The following RAPGEF5 variants were observed in gnomAD, a reference collection of about 807,000 sequenced individuals.
RAPGEF5 encodes M-Ras-regulated GEF.
A neutral mutation model predicts 125.2 loss-of-function variants in RAPGEF5; 65 were observed. The ratio of observed to expected loss-of-function variants is 0.52; its 90% CI spans 0.43 to 0.64. The LOEUF is 0.64. Ranked by LOEUF, RAPGEF5 falls within the 30% of genes least tolerant of loss-of-function variation. The pLI, the probability that RAPGEF5 is intolerant of heterozygous loss-of-function variation, is 0.00. For missense variants in RAPGEF5, 958 were observed against 1,048.1 expected, an observed-to-expected ratio of 0.91 and a Z score of 1.19; for synonymous variants, 391 against 385.9, an observed-to-expected ratio of 1.01 and a Z score of -0.16.
intron 7 of RAPGEF5, among the ~76,000 whole-genome samples, chr7:22,251,518 T>C (rs1786619588): frequency 6.6e-6 from 1 of 151,640 alleles, no homozygotes; most frequent in Non-Finnish European, 1.5e-5. Flanking sequence ...TTCAGGGGAG[T>C]AGCTGCCCAG....
At chr7:22,308,644 T>A in intron 4 of RAPGEF5, 137 bp from the exon 5 acceptor site, 1 of 693,558 alleles carries the variant, frequency 1.4e-6, no homozygotes, top group Non-Finnish European at 2.2e-6. Context: ...TCTAAGCTCA[T>A]TCATGTTTAT....
At chr7:22,350,091 C>G in intron 1 of RAPGEF5, among the ~76,000 whole-genome samples, 1 of 152,114 alleles carries the variant, frequency 6.6e-6, no homozygotes, top group South Asian at 2.1e-4. Context: ...AAAAGTACTT[C>G]CAGATCATAT....
intron 7 of RAPGEF5, among the ~76,000 whole-genome samples, chr7:22,262,529 CA>C: frequency 6.6e-6 from 1 of 152,144 alleles, no homozygotes; most frequent in East Asian, 1.9e-4. Flanking sequence ...AGCTGTTTCT[CA>C]AAAAACTAAA....
At chr7:22,255,692 A>G (rs959964856) in intron 7 of RAPGEF5, among the ~76,000 whole-genome samples, 2 of 152,218 alleles carry the variant, frequency 1.3e-5, no homozygotes, top group Non-Finnish European at 2.9e-5. Flanking sequence ...ATTTTGGTAC[A>G]TGAAGAACAC....
rs1209965990 is a variant in RAPGEF5, at chr7:22,119,499, T to G, written c.*2907A>C. 2 of 152,140 alleles carry G rather than the reference T, an allele frequency of 1.3e-5. No individual in the cohort carries two copies. The highest frequency in any genetic ancestry group is 2.9e-5 in the Non-Finnish European group (2 of 68,034). 9.4% of individuals were successfully genotyped at this position (152,140 alleles called of 1,614,324 possible). ...ACTCTAGGGAACACCTGCAAATGTG[T>G]ATGTAAAACAAAATTTTTTTTAATA... On this transcript the variant is annotated 3_prime_UTR_variant, in exon 26 of 26. Coordinates refer to ENST00000665637, the MANE Select transcript of RAPGEF5 (RefSeq NM_012294.5). This position sits in a 1 kb window ranked among gnomAD's most constrained non-coding sequence, Gnocchi z 4.1.
At chr7:22,241,999 G>A (rs143721744) in intron 7 of RAPGEF5, among the ~76,000 whole-genome samples, 2 of 152,260 alleles carry the variant, frequency 1.3e-5, no homozygotes, top group East Asian at 3.9e-4. Context: ...GAGGAAGTCA[G>A]GAAGTGACAG....
intron 6 of RAPGEF5, among the ~76,000 whole-genome samples, chr7:22,274,391 C>A (rs1782508928): frequency 1.3e-5 from 2 of 152,020 alleles, no homozygotes; most frequent in South Asian, 2.1e-4. Context: ...GTGCAGTGGT[C>A]CAATCATGGC....
chr7:22,233,223 C>T (rs1349722759), intron 7 of RAPGEF5, among the ~76,000 whole-genome samples: 1 of 152,068 alleles, frequency 6.6e-6, no homozygotes, highest in Non-Finnish European at 1.5e-5. Context: ...ACAGAAGAAG[C>T]CTTTCCTCAT....
chr7:22,350,639 C>T (rs924788000), intron 1 of RAPGEF5, among the ~76,000 whole-genome samples: 3 of 152,180 alleles, frequency 2.0e-5, no homozygotes, highest in Non-Finnish European at 2.9e-5. Flanking sequence ...TCTGAAGCCA[C>T]AGCCTGTGTC....
chr7:22,321,717 A>G (rs1418497958), intron 1 of RAPGEF5, among the ~76,000 whole-genome samples: 1 of 152,246 alleles, frequency 6.6e-6, no homozygotes, highest in Non-Finnish European at 1.5e-5. Flanking sequence ...CTGGGTGACC[A>G]GGCAGAATAT....
chr7:22,273,904 T>C (rs1236065517), intron 6 of RAPGEF5, among the ~76,000 whole-genome samples: 1 of 152,246 alleles, frequency 6.6e-6, no homozygotes, highest in African/African-American at 2.4e-5. Flanking sequence ...TTAAGGTCCA[T>C]GAGGAGTAGA....
intron 7 of RAPGEF5, among the ~76,000 whole-genome samples, chr7:22,240,485 C>T (rs1426523421): frequency 1.3e-5 from 2 of 152,008 alleles, no homozygotes; most frequent in Non-Finnish European, 2.9e-5. Context: ...CATTCTCCTG[C>T]CTCAGCCTCC....
intron 9 of RAPGEF5, among the ~76,000 whole-genome samples, chr7:22,206,163 A>G (rs982887740): frequency 2.6e-5 from 4 of 152,206 alleles, no homozygotes; most frequent in African/African-American, 9.7e-5. Context: ...AATCTTAGAC[A>G]TCTAATATCT....
intron 1 of RAPGEF5, among the ~76,000 whole-genome samples, chr7:22,348,126 G>C (rs1329042937): frequency 1.3e-5 from 2 of 152,186 alleles, no homozygotes; most frequent in Non-Finnish European, 2.9e-5. Context: ...ACAGGCTTCA[G>C]AACATCCACA....
intron 9 of RAPGEF5, chr7:22,194,511 A>G (rs1189510506): frequency 4.1e-5 from 34 of 835,884 alleles, no homozygotes; most frequent in Non-Finnish European, 4.9e-5. Flanking sequence ...ATCAATACAT[A>G]TATTCATTTA....
intron 7 of RAPGEF5, among the ~76,000 whole-genome samples, chr7:22,244,756 CA>C (rs1279858912): frequency 7.9e-5 from 12 of 152,116 alleles, no homozygotes; most frequent in Admixed American, 1.3e-4. Flanking sequence ...TCCCTGGTGC[CA>C]AAATGGTAGG....
In RAPGEF5 at chr7:22,150,421, G is replaced by A. The variant is rs766765170; in HGVS notation, c.1870C>T (p.Leu624=). ...SGRIYVYRKD[L]ADTLNPFAEN... ...AAGGTCCTTACCAAAGTGTCCGCCAGGTCTTTCCGGTAGACATATATTCGA... is the reference window on the plus strand; with the variant it reads ...AAGGTCCTTACCAAAGTGTCCGCCAAGTCTTTCCGGTAGACATATATTCGA... Residue 624 remains leucine (L), a synonymous_variant, in exon 18 of 26, where the codon CTG becomes TTG. Coordinates refer to ENST00000665637, the MANE Select transcript of RAPGEF5 (RefSeq NM_012294.5). 12 of 1,608,522 alleles carry A rather than the reference G, an allele frequency of 7.5e-6. No homozygotes were observed. The highest frequency in any genetic ancestry group is 1.0e-5 in the Non-Finnish European group (12 of 1,178,008).
chr7:22,198,348 T>C (rs188263966), intron 9 of RAPGEF5, among the ~76,000 whole-genome samples: 5 of 152,276 alleles, frequency 3.3e-5, no homozygotes, highest in Admixed American at 2.0e-4. Context: ...GCAAATAGAC[T>C]GGGCTAACCT....
intron 1 of RAPGEF5, among the ~76,000 whole-genome samples, chr7:22,344,768 T>C (rs1784191701): frequency 6.6e-6 from 1 of 152,248 alleles, no homozygotes; most frequent in African/African-American, 2.4e-5. Context: ...TTTTTTCTTT[T>C]TTTAAACTGC....
Sources: allele counts gnomAD v4.1 joint callset (sites outside exome capture counted in the v4.1 genomes callset), GRCh38; gene constraint gnomAD v4.1.1; non-coding constraint Gnocchi (gnomAD v3.1); transcripts MANE v1.5; gene names NCBI Gene and HGNC (gene_info 2026-07-23, HGNC 2026-07-21).